SEMA3A: variants seen among roughly 807,000 people sequenced by gnomAD.
SEMA3A encodes semaphorin-3A.
SEMA3A carries 29 observed loss-of-function variants against 97.9 expected under a neutral mutation model. The ratio of observed to expected loss-of-function variants is 0.30; its 90% CI spans 0.22 to 0.40. The LOEUF (loss-of-function observed/expected upper bound fraction) is 0.40, where lower values mean the gene tolerates loss of function less well. Among genes scored for constraint, SEMA3A ranks in the 10% least tolerant of loss-of-function variants. SEMA3A has a pLI of 1.00. For synonymous variants in SEMA3A, 321 were observed against 323.7 expected, an observed-to-expected ratio of 0.99 and a Z score of 0.09; for missense variants, 763 against 951.3, an observed-to-expected ratio of 0.80 and a Z score of 2.60.
chr7:84,379,990 G>A (rs995623651), intron 1 of SEMA3A, among the ~76,000 whole-genome samples: 4 of 152,154 alleles, frequency 2.6e-5, no homozygotes, highest in Non-Finnish European at 4.4e-5. Context: ...TTTGGAGTGA[G>A]ATTGAGTTTA....
intron 3 of SEMA3A, among the ~76,000 whole-genome samples, chr7:84,225,650 A>G (rs769129006): frequency 6.6e-6 from 1 of 152,084 alleles, no homozygotes; most frequent in Non-Finnish European, 1.5e-5. Context: ...GCCTGCATCA[A>G]TCACCCCGAG....
intron 1 of SEMA3A, among the ~76,000 whole-genome samples, chr7:84,425,771 G>C (rs923653367): frequency 3.6e-4 from 53 of 148,842 alleles, no homozygotes; most frequent in Non-Finnish European, 7.0e-4. Context: ...CGGAGTTTGA[G>C]ACAAGCCTGG....
intron 12 of SEMA3A, among the ~76,000 whole-genome samples, chr7:84,000,427 A>C: frequency 1.3e-5 from 2 of 152,286 alleles, no homozygotes; most frequent in South Asian, 4.1e-4. Context: ...ACTTAAACCA[A>C]GGATTAATAG....
chr7:84,239,858 A>T (rs1799318465), intron 3 of SEMA3A, among the ~76,000 whole-genome samples: 1 of 152,152 alleles, frequency 6.6e-6, no homozygotes, highest in Non-Finnish European at 1.5e-5. Context: ...TCTGATTTGA[A>T]ATAAAGAGGT....
intron 1 of SEMA3A, among the ~76,000 whole-genome samples, chr7:84,372,450 G>A (rs1802997837): frequency 6.6e-6 from 1 of 152,016 alleles, no homozygotes; most frequent in Non-Finnish European, 1.5e-5. Flanking sequence ...AGGAATTCTG[G>A]ATTCTACAGT....
At chr7:84,159,676 T>C (rs930758735) in intron 1 of SEMA3A, among the ~76,000 whole-genome samples, 4 of 152,118 alleles carry the variant, frequency 2.6e-5, no homozygotes, top group African/African-American at 7.2e-5. Context: ...TGAAGCATGC[T>C]ACTTAATGAT....
At chr7:84,249,447 T>A (rs928314656) in intron 3 of SEMA3A, among the ~76,000 whole-genome samples, 10 of 152,054 alleles carry the variant, frequency 6.6e-5, no homozygotes, top group African/African-American at 2.4e-4. Context: ...TATATACATA[T>A]TTAACTTCTT....
intron 3 of SEMA3A, among the ~76,000 whole-genome samples, chr7:84,121,613 A>T (rs13225162): frequency 0.52 from 17,830 of 34,064 alleles, 5,162 homozygotes; most frequent in East Asian, 0.74. Flanking sequence ...TCTATCATTG[A>T]TGGATATTTG....
rs371424851 is a variant in SEMA3A, at chr7:84,427,986, T to C, written c.-245-56086A>G. Reference sequence around the variant, plus strand: ...TCAGCATTTATAAATTTTAAAGTAATGAATATTGTATTTAGCTTCTTTAAT... The same window carrying C: ...TCAGCATTTATAAATTTTAAAGTAACGAATATTGTATTTAGCTTCTTTAAT... On this transcript the variant is annotated intron_variant, in intron 1 of 3. Coordinates refer to the SEMA3A transcript ENST00000424555. 3.3e-5 allele frequency among the ~76,000 whole-genome samples: 5 copies of C among 152,260 alleles called. No individual in the cohort carries two copies. The South Asian group carries it at 6.2e-4, about 19-fold the overall frequency.
intron 1 of SEMA3A, among the ~76,000 whole-genome samples, chr7:84,460,168 G>A (rs542440364): frequency 6.6e-6 from 1 of 152,224 alleles, no homozygotes; most frequent in South Asian, 2.1e-4. Context: ...GGTGTAGAAT[G>A]TTTTAAACCA....
intron 15 of SEMA3A, among the ~76,000 whole-genome samples, chr7:83,970,038 C>T (rs934600891): frequency 6.6e-6 from 1 of 152,148 alleles, no homozygotes; most frequent in African/African-American, 2.4e-5. Context: ...AGAAGGGTAT[C>T]CTTGTTAAAT....
At chr7:84,398,888 C>T (rs1478280063) in intron 1 of SEMA3A, among the ~76,000 whole-genome samples, 4 of 152,042 alleles carry the variant, frequency 2.6e-5, no homozygotes, top group African/African-American at 4.8e-5. Context: ...CCTAGTAGAA[C>T]CCTCCAGCAA....
chr7:84,049,853 A>G (rs1235437457), intron 5 of SEMA3A, among the ~76,000 whole-genome samples: 16 of 130,454 alleles, frequency 1.2e-4, no homozygotes, highest in African/African-American at 4.5e-4. Flanking sequence ...TCCCAATGCT[A>G]TCCCTCCCCC....
rs185766687 is a variant in SEMA3A at position 84,228,897 on chromosome 7, T to A, written c.-82-34229A>T. Among the ~76,000 whole-genome samples the A allele has an allele frequency of 3.3e-5, 5 of 152,210 alleles. No individual in the cohort carries two copies. The East Asian group carries it at 9.7e-4, about 29-fold the overall frequency. ...TGTAATACCTCATTATCCCTTGAAA[T>A]TTCCCTAAACCCCACCAATATCTTT... On this transcript the variant is annotated intron_variant, in intron 3 of 3. Transcript: ENST00000424555.
At chr7:84,008,334 A>G (rs1309460517) in intron 9 of SEMA3A, among the ~76,000 whole-genome samples, 1 of 151,978 alleles carries the variant, frequency 6.6e-6, no homozygotes, top group Non-Finnish European at 1.5e-5. Flanking sequence ...TACTAAAAAT[A>G]CAAAAAATTA....
chr7:84,135,539 G>A (rs1796100174), intron 1 of SEMA3A, among the ~76,000 whole-genome samples: 1 of 152,158 alleles, frequency 6.6e-6, no homozygotes, highest in Non-Finnish European at 1.5e-5. Context: ...TTATTTGCAT[G>A]TAGTAATGGA....
At chr7:84,187,129 A>C (rs1272278932) in intron 1 of SEMA3A, among the ~76,000 whole-genome samples, 1 of 152,182 alleles carries the variant, frequency 6.6e-6, no homozygotes, top group African/African-American at 2.4e-5. Context: ...TGAACTGCTA[A>C]ATCTCAGCAA....
At chr7:84,217,439 A>G (rs1014993279) in intron 3 of SEMA3A, among the ~76,000 whole-genome samples, 7 of 152,174 alleles carry the variant, frequency 4.6e-5, no homozygotes, top group African/African-American at 1.7e-4. Context: ...TTTTATGCTA[A>G]TAAACACACT....
At chr7:84,131,806 AT>A (rs889246546) in intron 2 of SEMA3A, among the ~76,000 whole-genome samples, 1 of 128,892 alleles carries the variant, frequency 7.8e-6, no homozygotes, top group Non-Finnish European at 1.7e-5. Context: ...TTATTTATTT[AT>A]TTTGCGACAA....
Sources: gnomAD v4.1 joint callset for allele counts (sites outside exome capture counted in the v4.1 genomes callset) on GRCh38, gnomAD v4.1.1 for gene constraint, MANE v1.5 for transcripts, NCBI Gene and HGNC (gene_info 2026-07-23, HGNC 2026-07-21) for gene names.